Variants in TRABD2B observed in about 807,000 individuals in gnomAD.
TRABD2B encodes the protein TraB domain containing 2B, also known as metalloprotease TIKI2.
In TRABD2B, 14 loss-of-function variants were observed where a neutral mutation model predicts 40.1. The ratio of observed to expected loss-of-function variants is 0.35; its 90% CI spans 0.23 to 0.55. The LOEUF (loss-of-function observed/expected upper bound fraction) is 0.55, where lower values mean the gene tolerates loss of function less well. Ranked by LOEUF, TRABD2B falls within the 20% of genes least tolerant of loss-of-function variation. The probability of loss-of-function intolerance (pLI) is 0.90; values close to 1 mark genes in which losing one functional copy is unlikely to be tolerated. For missense variants in TRABD2B, 541 were observed against 648.6 expected (o/e 0.83, Z 1.80); for synonymous variants, 263 against 277.0 (o/e 0.95, Z 0.50).
chr1:47,936,865 CCACCACCACCACCAT>C (rs1645113334), intron 2 of TRABD2B, among the ~76,000 whole-genome samples: 1 of 88,188 alleles, frequency 1.1e-5, no homozygotes, highest in Non-Finnish European at 2.6e-5. Context: ...ATCATCATCA[CCACCACCACCACCAT>C]CACCATCACT....
At chr1:47,980,185 T>G (rs1005473068) in intron 2 of TRABD2B, among the ~76,000 whole-genome samples, 5 of 152,102 alleles carry the variant, frequency 3.3e-5, no homozygotes, top group African/African-American at 1.2e-4. Context: ...GTAACTATAT[T>G]CCTTCAATCC....
In TRABD2B at chr1:47,943,275, GA is replaced by G. The variant is rs952210417; in HGVS notation, c.666+50758del. On this transcript the variant is annotated intron_variant, in intron 2 of 6. Coordinates refer to ENST00000606738, the MANE Select transcript of TRABD2B (RefSeq NM_001194986.2). ...CACGAAATTTCACATGTGTGTGAAA[GA>G]TGCCAATGTTCCCCCACAGGTAAAC... Among the ~76,000 whole-genome samples, 41 of 152,220 alleles carry G rather than the reference GA, an allele frequency of 2.7e-4. 1 individual carries two copies. Among genetic ancestry groups the G allele is most frequent in the African/African-American group, 9.6e-4 (40 of 41,454 alleles).
intron 2 of TRABD2B, among the ~76,000 whole-genome samples, chr1:47,874,712 C>T (rs1644198491): frequency 6.6e-6 from 1 of 151,680 alleles, no homozygotes; most frequent in Non-Finnish European, 1.5e-5. Context: ...GGACGACCGA[C>T]ATGCACCACC....
At chr1:47,942,830 G>T (rs373174882) in intron 2 of TRABD2B, among the ~76,000 whole-genome samples, 47 of 152,318 alleles carry the variant, frequency 3.1e-4, no homozygotes, top group South Asian at 2.5e-3. Context: ...TACACAGGAA[G>T]ACTGGTAGGG....
chr1:47,950,617 C>T (rs2148382285), intron 2 of TRABD2B, among the ~76,000 whole-genome samples: 1 of 152,310 alleles, frequency 6.6e-6, no homozygotes, highest in South Asian at 2.1e-4. Context: ...TGAAGAATGG[C>T]TTCAGCCAAG....
intron 2 of TRABD2B, among the ~76,000 whole-genome samples, chr1:47,920,984 C>T (rs1570290200): frequency 6.6e-6 from 1 of 152,236 alleles, no homozygotes; most frequent in East Asian, 1.9e-4. Flanking sequence ...TGCTGCACAA[C>T]TGCCTTAACT....
intron 2 of TRABD2B, among the ~76,000 whole-genome samples, chr1:47,981,298 G>C (rs1213185538): frequency 1.3e-5 from 2 of 152,162 alleles, no homozygotes; most frequent in African/African-American, 4.8e-5. Context: ...ACAGGCATAA[G>C]CCACTGCACC....
intron 2 of TRABD2B, among the ~76,000 whole-genome samples, chr1:47,868,120 T>C (rs1183431824): frequency 6.6e-6 from 1 of 152,228 alleles, no homozygotes; most frequent in Non-Finnish European, 1.5e-5. Flanking sequence ...AAAACCTCAA[T>C]GTGGAGCAAC....
At chr1:47,919,891 T>C (rs1570287466) in intron 2 of TRABD2B, among the ~76,000 whole-genome samples, 1 of 151,930 alleles carries the variant, frequency 6.6e-6, no homozygotes, top group East Asian at 1.9e-4. Context: ...AGGATGTAAA[T>C]AGGAGGAGAG....
At chr1:47,830,032 C>T (rs2124445042) in intron 2 of TRABD2B, among the ~76,000 whole-genome samples, 1 of 152,172 alleles carries the variant, frequency 6.6e-6, no homozygotes, top group East Asian at 1.9e-4. Context: ...TGCCTAAATT[C>T]CATCCGTCCT....
intron 2 of TRABD2B, among the ~76,000 whole-genome samples, chr1:47,957,926 A>G (rs1645448831): frequency 6.6e-6 from 1 of 152,218 alleles, no homozygotes; most frequent in South Asian, 2.1e-4. Context: ...CCAAAGTTGA[A>G]ATGAGGGAAG....
In TRABD2B at chr1:47,801,387, T is replaced by C. The variant is rs557864439; in HGVS notation, c.813+86A>G. The C allele has an allele frequency of 2.3e-4, 311 of 1,369,298 alleles. 3 individuals are homozygous for C. The East Asian group carries it at 6.2e-3, about 27-fold the overall frequency. 84.8% of individuals were successfully genotyped at this position (1,369,298 alleles called of 1,614,324 possible). A position where few individuals can be genotyped will look rare whatever the true frequency, so the allele number is the denominator to read the frequency against. ...GAATAACGATAGCTCCTTCTTGCCA[T>C]GGCTGGAGAGAAGATTACCTATGCC... is the stretch of plus-strand genomic sequence containing the variant. On this transcript the variant is annotated intron_variant, in intron 3 of 6. Transcript: ENST00000606738.
At chr1:47,879,063 C>T (rs538018631) in intron 2 of TRABD2B, among the ~76,000 whole-genome samples, 2 of 151,222 alleles carry the variant, frequency 1.3e-5, no homozygotes, top group South Asian at 4.2e-4. Flanking sequence ...TGTGCTTATG[C>T]CACCACACTC....
chr1:47,861,292 C>T (rs956017475), intron 2 of TRABD2B, among the ~76,000 whole-genome samples: 50 of 142,452 alleles, frequency 3.5e-4, no homozygotes, highest in African/African-American at 1.2e-3. Context: ...GTGGGGGTGG[C>T]GGGGGTATGT....
chr1:47,833,353 G>A (rs1332754303), intron 2 of TRABD2B, among the ~76,000 whole-genome samples: 5 of 152,230 alleles, frequency 3.3e-5, no homozygotes. Flanking sequence ...CTACCTGGCT[G>A]AGCAGGTCAA....
chr1:47,938,032 T>A (rs991034583), intron 2 of TRABD2B, among the ~76,000 whole-genome samples: 10 of 152,166 alleles, frequency 6.6e-5, no homozygotes, highest in African/African-American at 2.4e-4. Flanking sequence ...TCATGATATA[T>A]TTTGCCAGCC....
intron 4 of TRABD2B, among the ~76,000 whole-genome samples, chr1:47,787,432 C>G (rs939578510): frequency 2.0e-5 from 3 of 152,182 alleles, no homozygotes; most frequent in Admixed American, 6.5e-5. Flanking sequence ...TCTACCCTCA[C>G]GTCTTTGGCG....
chr1:47,839,091 A>T (rs535433013), intron 2 of TRABD2B, among the ~76,000 whole-genome samples: 4 of 152,256 alleles, frequency 2.6e-5, no homozygotes, highest in Non-Finnish European at 1.5e-5. Flanking sequence ...GATAGATTGG[A>T]ACGCTGCCTT....
intron 2 of TRABD2B, among the ~76,000 whole-genome samples, chr1:47,845,548 T>C (rs1338889261): frequency 6.6e-6 from 1 of 152,186 alleles, no homozygotes; most frequent in Non-Finnish European, 1.5e-5. Context: ...ATGGTGAAAC[T>C]GGGATATGAA....
Sources: gnomAD v4.1 joint callset for allele counts (sites outside exome capture counted in the v4.1 genomes callset) on GRCh38, gnomAD v4.1.1 for gene constraint, MANE v1.5 for transcripts, NCBI Gene and HGNC (gene_info 2026-07-23, HGNC 2026-07-21) for gene names.